The following SPATA46 variants were observed in gnomAD, a reference collection of about 807,000 sequenced individuals.
SPATA46 encodes spermatogenesis-associated protein 46.
SPATA46 carries 3 observed loss-of-function variants against 6.2 expected under a neutral mutation model. The ratio of observed to expected loss-of-function variants is 0.48; its 90% CI spans 0.22 to 1.25. The LOEUF (loss-of-function observed/expected upper bound fraction) is 1.25, where lower values mean the gene tolerates loss of function less well. Ranked by LOEUF, SPATA46 falls within the 50% of genes most tolerant of loss-of-function variation. The pLI is 0.20. For synonymous variants in SPATA46, 117 were observed against 123.3 expected, an observed-to-expected ratio of 0.95 and a Z score of 0.34; for missense variants, 308 against 323.5, an observed-to-expected ratio of 0.95 and a Z score of 0.37.
In SPATA46 at chr1:162,374,420, G is replaced by A. The variant is rs370833117; in HGVS notation, c.414C>T (p.Ile138=). ...TCTCTGGGGAGGAAGAGGACGAACA[G>A]ATGTTCTCAGCCATGTCCTCAGAAA... ...NCLSEDMAEN[I]CSSSSSPENT... The change falls in exon 3 of 3, where the codon ATC becomes ATT. Residue 138 remains isoleucine (I), a synonymous_variant. Coordinates refer to ENST00000367935, the MANE Select transcript of SPATA46 (RefSeq NM_182581.4). 2 of 1,614,268 alleles carry A rather than the reference G, an allele frequency of 1.2e-6. No individual in the cohort carries two copies. The highest frequency in any genetic ancestry group is 1.1e-5 in the South Asian group (1 of 91,088).
rs753925993 is a variant in SPATA46, at chr1:162,375,311, G to A, written c.196C>T (p.Gln66Ter). Residue 66 changes from glutamine (Q) to a stop codon, truncating the protein, a stop_gained, in exon 2 of 3, where the codon CAG becomes TAG. Transcript: ENST00000367935. LOFTEE classifies it low-confidence loss of function (END_TRUNC). ...YQSIIVRQGI[Q>*]NTALSPDCSL... The stretch of plus-strand genomic sequence containing the variant: ...TCACCTGGTGAGAGCGCTGTGTTCT[G>A]TATCCCTTGCCTGACAATGATGCTT... 200 of 1,613,828 alleles carry A rather than the reference G, an allele frequency of 1.2e-4. No individual in the cohort carries two copies. Among genetic ancestry groups the A allele is most frequent in the Non-Finnish European group, 1.7e-4 (197 of 1,179,848 alleles).
At chr1:162,375,186 G>A (rs1389830870) in intron 2 of SPATA46, 104 bp downstream of exon 2, 7 of 979,158 alleles carry the variant, frequency 7.1e-6, no homozygotes, top group South Asian at 1.4e-5. Context: ...ACAAGACCGC[G>A]CATGGGGGTC....
rs780341277 is a variant in SPATA46, at chr1:162,374,352, A to G, written c.482T>C (p.Leu161Pro). ...REATKKSRHGLDSITSQDILM... is the reference protein window; with the variant it reads ...REATKKSRHGPDSITSQDILM... ...GATGTCCTGGGATGTGATGGAGTCC[A>G]GGCCATGCCTGGATTTCTTGGTGGC... Residue 161 changes from leucine (L) to proline (P), a missense_variant, in exon 3 of 3, where the codon CTG (leucine) becomes CCG (proline). Transcript: ENST00000367935. 7.4e-6 allele frequency: 12 copies of G among 1,614,124 alleles called. No homozygotes were observed. Among genetic ancestry groups the G allele is most frequent in the Middle Eastern group, 1.6e-4 (1 of 6,062 alleles).
chr1:162,374,248 C>T lies in SPATA46; in HGVS notation c.586G>A (p.Asp196Asn). Residue 196 changes from aspartate to asparagine, a missense_variant, in exon 3 of 3, where the codon GAC becomes AAC. Physicochemically the swap from Asp to Asn is conservative, Grantham distance 23 (BLOSUM62 1). Coordinates refer to ENST00000367935, the MANE Select transcript of SPATA46 (RefSeq NM_182581.4). ...VACCRMYPTL[D>N]FLKSHIKRGF... ...CTCTTGATGTGGCTCTTGAGGAAGT[C>T]CAGGGTGGGGTACATGCGGCAGCAG... is the stretch of plus-strand genomic sequence containing the variant. 6.2e-7 allele frequency: 1 copy of T among 1,613,840 alleles called. No homozygotes were observed. Among genetic ancestry groups the T allele is most frequent in the Non-Finnish European group, 8.5e-7 (1 of 1,179,780 alleles).
In SPATA46 at chr1:162,374,087, G is replaced by A. The variant is rs1321535600; in HGVS notation, c.747C>T (p.His249=). Reference sequence around the variant, plus strand: ...AGGCTTCACCGCCAATTTGCCTAAGGTGTTCAGCAGGACTATTGAAGGCCT... The same window carrying A: ...AGGCTTCACCGCCAATTTGCCTAAGATGTTCAGCAGGACTATTGAAGGCCT... ...SCQAFNSPAE[H]LRQIGGEAYL... The change falls in exon 3 of 3, where the codon CAC becomes CAT. Residue 249 remains histidine, a synonymous_variant. Coordinates refer to ENST00000367935, the MANE Select transcript of SPATA46 (RefSeq NM_182581.4). 4 of 1,613,000 alleles carry A rather than the reference G, an allele frequency of 2.5e-6. No individual in the cohort carries two copies. The highest frequency in any genetic ancestry group is 2.5e-6 in the Non-Finnish European group (3 of 1,179,532).
Position 162,373,816 on chromosome 1 carries a change from G to A in SPATA46, c.*232C>T. ...GAGGAGGGCCTGAGAGTTCCCAGGG[G>A]TTGCTGGTACTGCCAGCTGGGCACC... On this transcript the variant is annotated 3_prime_UTR_variant, in exon 3 of 3. Coordinates refer to ENST00000367935, the MANE Select transcript of SPATA46 (RefSeq NM_182581.4). The A allele has an allele frequency of 6.3e-6, 3 of 473,158 alleles. No individual in the cohort carries two copies. The highest frequency in any genetic ancestry group is 1.1e-5 in the Non-Finnish European group (3 of 269,448). The allele number at this position is 473,158 out of a possible 1,614,324, so 29.3% of individuals were successfully genotyped here.
chr1:162,374,223 C>T lies in SPATA46; in HGVS notation c.611G>A (p.Arg204Lys). 2 of 1,613,944 alleles carry T rather than the reference C, an allele frequency of 1.2e-6. No individual in the cohort carries two copies. The highest frequency in any genetic ancestry group is 1.7e-6 in the Non-Finnish European group (2 of 1,179,818). ...TLDFLKSHIKRGFREGFSCKV... is the reference protein window; with the variant it reads ...TLDFLKSHIKKGFREGFSCKV... ...GCAGCTGAAGCCCTCCCTGAAGCCC[C>T]TCTTGATGTGGCTCTTGAGGAAGTC... The change falls in exon 3 of 3, where the codon AGG becomes AAG. Residue 204 changes from arginine (R) to lysine (K), a missense_variant. Coordinates refer to ENST00000367935, the MANE Select transcript of SPATA46 (RefSeq NM_182581.4).
chr1:162,375,539 A>G, intron 1 of SPATA46, 136 bp from the exon 2 acceptor site: 1 of 661,620 alleles, frequency 1.5e-6, no homozygotes, highest in Non-Finnish European at 2.7e-6. Context: ...TGACCTCTCA[A>G]ACTCAGCCAG....
chr1:162,374,598 G>A lies in SPATA46; in HGVS notation c.236C>T (p.Thr79Ile), dbSNP rs375087871. 2.9e-5 allele frequency: 47 copies of A among 1,612,198 alleles called. No homozygotes were observed. The African/African-American group carries it at 6.0e-4, about 21-fold the overall frequency. Reference protein sequence around the residue: ...ALSPDCSLGDTQHGEKLRRNC... With the variant: ...ALSPDCSLGDIQHGEKLRRNC... ...CCGCCTCAGCTTCTCTCCGTGCTGG[G>A]TATCCCCCAAGCTGCAGTCTGCAAA... Residue 79 changes from threonine to isoleucine, a missense_variant, in exon 3 of 3, where the codon ACC (threonine) becomes ATC (isoleucine). Physicochemically the swap from Thr to Ile is moderately conservative, Grantham distance 89. Transcript: ENST00000367935.
At position 162,374,400 on chromosome 1, in the gene SPATA46, G is replaced by A. The variant is rs2101840057; in HGVS notation, c.434C>T (p.Pro145Leu). 6.2e-7 allele frequency: 1 copy of A among 1,614,246 alleles called. No homozygotes were observed. The highest frequency in any genetic ancestry group is 8.5e-7 in the Non-Finnish European group (1 of 1,180,042). The change falls in exon 3 of 3, where the codon CCA (proline) becomes CTA (leucine). Residue 145 changes from proline (P) to leucine (L), a missense_variant. Transcript: ENST00000367935. Reference protein sequence around the residue: ...AENICSSSSSPENTCPREATK... With the variant: ...AENICSSSSSLENTCPREATK... ...GGCTTCTCGAGGGCAAGTGTTCTCT[G>A]GGGAGGAAGAGGACGAACAGATGTT...
rs774579970 is a variant in SPATA46 at position 162,374,190 on chromosome 1, T to G, written c.644A>C (p.Tyr215Ser). The G allele has an allele frequency of 6.2e-7, 1 of 1,614,238 alleles. No homozygotes were observed. The highest frequency in any genetic ancestry group is 8.5e-7 in the Non-Finnish European group (1 of 1,180,034). ...CCAGAGGGCTTTGAGCTTGCGGTAG[T>G]ACACCTTGCAGCTGAAGCCCTCCCT... ...GFREGFSCKV[Y>S]YRKLKALWSK... The change falls in exon 3 of 3, where the codon TAC becomes TCC. Residue 215 changes from tyrosine to serine, a missense_variant. By Grantham distance (144) the Tyr-to-Ser change is moderately radical. Coordinates refer to ENST00000367935, the MANE Select transcript of SPATA46 (RefSeq NM_182581.4).
Position 162,376,719 on chromosome 1 carries a change from G to A in SPATA46, c.72C>T (p.Asp24=). The A allele has an allele frequency of 1.2e-6, 2 of 1,614,086 alleles. No individual in the cohort carries two copies. Among genetic ancestry groups the A allele is most frequent in the Non-Finnish European group, 8.5e-7 (1 of 1,180,012 alleles). ...GGCTGGTGGCACGAGAGAACATAAT[G>A]TCGGGAAAAGCACTCAGGGCGGAGG... ...ISSSALSAFP[D]IMFSRATSLP... The change falls in exon 1 of 3, where the codon GAC becomes GAT. Residue 24 remains aspartate, a synonymous_variant. Transcript: ENST00000367935.
In SPATA46 at chr1:162,374,306, G is replaced by A; in HGVS notation, c.528C>T (p.His176=). 6.2e-7 allele frequency: 1 copy of A among 1,614,186 alleles called. No individual in the cohort carries two copies. The highest frequency in any genetic ancestry group is 8.5e-7 in the Non-Finnish European group (1 of 1,179,998). Residue 176 remains histidine, a synonymous_variant, in exon 3 of 3, where the codon CAC becomes CAT. Transcript: ENST00000367935. The part of the protein sequence containing the change: ...SQDILMASRW[H]PAQQNGYKCV... ...ACTTGTAGCCATTCTGCTGTGCTGGGTGCCACCTGGAAGCCATTAGGATGT... is the reference window on the plus strand; with the variant it reads ...ACTTGTAGCCATTCTGCTGTGCTGGATGCCACCTGGAAGCCATTAGGATGT...
At position 162,374,617 on chromosome 1, in the gene SPATA46, C is replaced by G. The variant is rs1390410825; in HGVS notation, c.218-1G>C. 6.2e-7 allele frequency: 1 copy of G among 1,605,218 alleles called. No individual in the cohort carries two copies. Among genetic ancestry groups the G allele is most frequent in the Non-Finnish European group, 8.5e-7 (1 of 1,175,486 alleles). Reference sequence around the variant, plus strand: ...TGCTGGGTATCCCCCAAGCTGCAGTCTGCAAAGGAAAGGACCAGGTCTGAG... The same window carrying G: ...TGCTGGGTATCCCCCAAGCTGCAGTGTGCAAAGGAAAGGACCAGGTCTGAG... On this transcript the variant is annotated splice_acceptor_variant, in intron 2 of 2. Coordinates refer to ENST00000367935, the MANE Select transcript of SPATA46 (RefSeq NM_182581.4). LOFTEE classifies it high-confidence loss of function.
Position 162,374,207 on chromosome 1 carries a change from G to A in SPATA46, c.627C>T (p.Gly209=), listed in dbSNP as rs760520344. The change falls in exon 3 of 3, where the codon GGC becomes GGT. Residue 209 remains glycine (G), a synonymous_variant. Transcript: ENST00000367935. ...KSHIKRGFRE[G]FSCKVYYRKL... ...TGCGGTAGTACACCTTGCAGCTGAA[G>A]CCCTCCCTGAAGCCCCTCTTGATGT... 5.6e-6 allele frequency: 9 copies of A among 1,614,050 alleles called. No individual in the cohort carries two copies. Among genetic ancestry groups the A allele is most frequent in the Non-Finnish European group, 7.6e-6 (9 of 1,179,916 alleles).
intron 1 of SPATA46, 80 bp from the exon 2 acceptor site, chr1:162,375,483 G>T: frequency 1.8e-6 from 2 of 1,108,458 alleles, no homozygotes; most frequent in Non-Finnish European, 2.8e-6. Context: ...ATACCTAGGG[G>T]CTCAACCTCT....
chr1:162,376,243 C>T (rs750906210), intron 1 of SPATA46, among the ~76,000 whole-genome samples: 1 of 152,162 alleles, frequency 6.6e-6, no homozygotes, highest in African/African-American at 2.4e-5. Context: ...ATTTGGCTAA[C>T]TCCAAATCCT....
intron 2 of SPATA46, 48 bp downstream of exon 2, chr1:162,375,242 A>C: frequency 1.3e-6 from 2 of 1,510,966 alleles, no homozygotes; most frequent in Non-Finnish European, 1.8e-6. Context: ...GCCCCTTTTC[A>C]TCCTTAGCCT....
Position 162,375,397 on chromosome 1 carries a change from G to A in SPATA46, c.110C>T (p.Ala37Val), listed in dbSNP as rs758260919. The A allele has an allele frequency of 5.6e-6, 9 of 1,613,830 alleles. No homozygotes were observed. The East Asian group carries it at 1.1e-4, about 20-fold the overall frequency. ...FSRATSLPDI[A>V]KTAVPTEASS... Reference sequence around the variant, plus strand: ...TGCCTCAGTGGGTACTGCTGTCTTTGCAATGTCTGGGTTATAGAAGAAACA... The same window carrying A: ...TGCCTCAGTGGGTACTGCTGTCTTTACAATGTCTGGGTTATAGAAGAAACA... Residue 37 changes from alanine (A) to valine (V), a missense_variant, in exon 2 of 3, where the codon GCA (alanine) becomes GTA (valine). Coordinates refer to ENST00000367935, the MANE Select transcript of SPATA46 (RefSeq NM_182581.4).
Sources: gnomAD v4.1 joint callset for allele counts (sites outside exome capture counted in the v4.1 genomes callset) on GRCh38, gnomAD v4.1.1 for gene constraint, MANE v1.5 for transcripts, NCBI Gene and HGNC (gene_info 2026-07-23, HGNC 2026-07-21) for gene names.